Variants in GRIK3 observed in about 807,000 individuals in gnomAD.
GRIK3 encodes glutamate ionotropic receptor kainate type subunit 3, also known as glutamate receptor ionotropic, kainate 3.
GRIK3 carries 29 observed loss-of-function variants against 102.5 expected under a neutral mutation model. That is an observed-to-expected ratio of 0.28 (90% confidence interval 0.21 to 0.39). The LOEUF (loss-of-function observed/expected upper bound fraction) is 0.39. Ranked by LOEUF, GRIK3 falls within the 10% of genes least tolerant of loss-of-function variation. The probability of loss-of-function intolerance (pLI) is 1.00; values close to 1 mark genes in which losing one functional copy is unlikely to be tolerated. For missense variants in GRIK3, 908 were observed against 1,252.4 expected (o/e 0.73, Z 4.15); for synonymous variants, 511 against 504.9 (o/e 1.01, Z -0.16).
At chr1:36,883,260 T>C (rs1641003256) in intron 2 of GRIK3, among the ~76,000 whole-genome samples, 1 of 152,262 alleles carries the variant, frequency 6.6e-6, no homozygotes, top group African/African-American at 2.4e-5. Context: ...TTGACAAATG[T>C]ACCTTCATCA....
At chr1:36,907,537 G>A (rs1013980284) in intron 1 of GRIK3, among the ~76,000 whole-genome samples, 1 of 152,148 alleles carries the variant, frequency 6.6e-6, no homozygotes, top group African/African-American at 2.4e-5. Flanking sequence ...CAGAAGATGG[G>A]CATGGTCCAA....
chr1:37,023,620 T>C (rs493243), intron 1 of GRIK3, among the ~76,000 whole-genome samples: 28,321 of 152,224 alleles, frequency 0.19, 3,889 homozygotes, highest in African/African-American at 0.38. Context: ...TTGCTCATTT[T>C]CTTTTTAATG....
At chr1:37,028,825 G>A (rs1400614023) in intron 1 of GRIK3, among the ~76,000 whole-genome samples, 1 of 152,210 alleles carries the variant, frequency 6.6e-6, no homozygotes, top group African/African-American at 2.4e-5. Context: ...TCCCTCACCT[G>A]TAAAATGGGA....
At chr1:36,841,287 C>T (rs1640445945) in intron 10 of GRIK3, among the ~76,000 whole-genome samples, 1 of 152,178 alleles carries the variant, frequency 6.6e-6, no homozygotes, top group Non-Finnish European at 1.5e-5. Context: ...CCTGGACTCC[C>T]ACTAGACCCA....
In GRIK3 at chr1:36,796,569, T is replaced by C. The variant is rs1310021733; in HGVS notation, c.*5282A>G. On this transcript the variant is annotated 3_prime_UTR_variant, in exon 16 of 16. Coordinates refer to ENST00000373091, the MANE Select transcript of GRIK3 (RefSeq NM_000831.4). The stretch of plus-strand genomic sequence containing the variant: ...AATGGAGACAATCTGGGAGGTGATG[T>C]GAGGTCCACTGTTCTAGAAGGCAGG... 6.6e-6 allele frequency: 1 copy of C among 152,210 alleles called. No homozygotes were observed. The highest frequency in any genetic ancestry group is 1.5e-5 in the Non-Finnish European group (1 of 68,046). The allele number at this position is 152,210 out of a possible 1,614,324, so 9.4% of individuals were successfully genotyped here.
intron 1 of GRIK3, among the ~76,000 whole-genome samples, chr1:36,897,961 A>G (rs1050741052): frequency 6.6e-6 from 1 of 152,236 alleles, no homozygotes; most frequent in Non-Finnish European, 1.5e-5. Context: ...CTATTCAGCC[A>G]TAAAAAGAAT....
intron 1 of GRIK3, among the ~76,000 whole-genome samples, chr1:36,988,624 C>A (rs1260807669): frequency 6.6e-6 from 1 of 152,200 alleles, no homozygotes; most frequent in African/African-American, 2.4e-5. Flanking sequence ...CCACAAAGTG[C>A]CGAGTCACAG....
At chr1:37,007,648 G>A (rs1274251243) in intron 1 of GRIK3, among the ~76,000 whole-genome samples, 4 of 152,186 alleles carry the variant, frequency 2.6e-5, no homozygotes, top group Admixed American at 6.5e-5. Flanking sequence ...CCTACTATGC[G>A]TCAGGCCTTG....
At chr1:36,971,414 C>T (rs1007502090) in intron 1 of GRIK3, among the ~76,000 whole-genome samples, 1 of 152,178 alleles carries the variant, frequency 6.6e-6, no homozygotes, top group Non-Finnish European at 1.5e-5. Context: ...GGCTTGATTA[C>T]CCAGGTCTAG....
chr1:36,951,107 T>C (rs2124335085), intron 1 of GRIK3, among the ~76,000 whole-genome samples: 1 of 152,358 alleles, frequency 6.6e-6, no homozygotes, highest in African/African-American at 2.4e-5. Context: ...TCTGGCTTTG[T>C]AGAGGAGCTG....
intron 1 of GRIK3, among the ~76,000 whole-genome samples, chr1:36,984,401 AG>A (rs924526002): frequency 6.6e-6 from 1 of 152,238 alleles, no homozygotes; most frequent in Non-Finnish European, 1.5e-5. Flanking sequence ...AGTGGGAGAC[AG>A]GGCTAGTGTA....
intron 2 of GRIK3, among the ~76,000 whole-genome samples, chr1:36,886,007 G>A (rs988519304): frequency 6.6e-6 from 1 of 152,186 alleles, no homozygotes; most frequent in African/African-American, 2.4e-5. Context: ...AATAAGTGAA[G>A]GCGGAGGAGC....
intron 8 of GRIK3, among the ~76,000 whole-genome samples, chr1:36,853,028 A>T (rs1189792896): frequency 6.6e-6 from 1 of 152,176 alleles, no homozygotes; most frequent in Non-Finnish European, 1.5e-5. Context: ...TCCTGGTCCA[A>T]ACTCTCTGGA....
At chr1:36,990,173 C>T (rs538820010) in intron 1 of GRIK3, among the ~76,000 whole-genome samples, 3 of 152,246 alleles carry the variant, frequency 2.0e-5, no homozygotes, top group Admixed American at 1.3e-4. Flanking sequence ...CCTGAGCCCC[C>T]GCCCAGCCCT....
chr1:36,813,235 A>G (rs188968192), intron 13 of GRIK3, among the ~76,000 whole-genome samples: 245 of 152,322 alleles, frequency 1.6e-3, no homozygotes, highest in Non-Finnish European at 2.5e-3. Context: ...TTTCAAATGG[A>G]GATGATAATA....
In GRIK3 at chr1:36,870,928, T is replaced by C. The variant is rs1853884; in HGVS notation, c.733-1127A>G. Among the ~76,000 whole-genome samples the C allele has an allele frequency of 4.5e-3, 672 of 148,812 alleles. 14 individuals are homozygous for C. The highest frequency in any genetic ancestry group is 0.016 in the African/African-American group (644 of 39,950). ...CACATGCTGTCTGGGTGGTGGGGGTTGGGGTAGGGGGGAGAAGAGGCACTG... is the reference window on the plus strand; with the variant it reads ...CACATGCTGTCTGGGTGGTGGGGGTCGGGGTAGGGGGGAGAAGAGGCACTG... On this transcript the variant is annotated intron_variant, in intron 4 of 15. Transcript: ENST00000373091.
chr1:36,972,501 G>T (rs1557447256), intron 1 of GRIK3, among the ~76,000 whole-genome samples: 1 of 152,088 alleles, frequency 6.6e-6, no homozygotes, highest in African/African-American at 2.4e-5. Flanking sequence ...CTTGAGAAAC[G>T]GGAGGTGGGT....
chr1:36,803,130 T>G (rs1050047685), intron 15 of GRIK3, among the ~76,000 whole-genome samples: 3 of 151,660 alleles, frequency 2.0e-5, no homozygotes, highest in Admixed American at 2.0e-4. Flanking sequence ...AGCAGTGAAA[T>G]GGGATAGAGA....
chr1:36,846,728 G>A (rs1251998234), intron 9 of GRIK3, among the ~76,000 whole-genome samples: 2 of 152,242 alleles, frequency 1.3e-5, no homozygotes, highest in East Asian at 1.9e-4. Flanking sequence ...CCAAGCCTGA[G>A]AGCATCCCCT....
Sources: allele counts gnomAD v4.1 joint callset (sites outside exome capture counted in the v4.1 genomes callset), GRCh38; gene constraint gnomAD v4.1.1; transcripts MANE v1.5; gene names NCBI Gene and HGNC (gene_info 2026-07-23, HGNC 2026-07-21).